Variants in TTLL11 observed in about 807,000 individuals in gnomAD.
The protein encoded by TTLL11 is tubulin polyglutamylase TTLL11.
TTLL11 carries 42 observed loss-of-function variants against 51.7 expected under a neutral mutation model. The ratio of observed to expected loss-of-function variants is 0.81; its 90% CI spans 0.64 to 1.05. The LOEUF is 1.05. Ranked by LOEUF, TTLL11 falls within the 50% of genes least tolerant of loss-of-function variation. TTLL11 has a pLI of 0.00. For synonymous variants in TTLL11, 381 were observed against 383.5 expected, an observed-to-expected ratio of 0.99 and a Z score of 0.08; for missense variants, 799 against 940.4, an observed-to-expected ratio of 0.85 and a Z score of 1.97.
At chr9:121,929,643 T>C (rs1432619745) in intron 6 of TTLL11, among the ~76,000 whole-genome samples, 2 of 152,222 alleles carry the variant, frequency 1.3e-5, no homozygotes, top group Admixed American at 6.5e-5. Context: ...GCTCACTCTG[T>C]GCAGGGGTCT....
At chr9:121,827,210 G>C (rs1235533661) in intron 8 of TTLL11, among the ~76,000 whole-genome samples, 1 of 152,116 alleles carries the variant, frequency 6.6e-6, no homozygotes, top group Non-Finnish European at 1.5e-5. Flanking sequence ...AGGGAGTCCA[G>C]TATGCCAGAC....
chr9:121,953,609 G>A (rs1286895068), intron 6 of TTLL11, among the ~76,000 whole-genome samples: 2 of 147,890 alleles, frequency 1.4e-5, no homozygotes, highest in African/African-American at 2.5e-5. Context: ...CTCCAGCCTG[G>A]GTGACAGAGC....
intron 1 of TTLL11, among the ~76,000 whole-genome samples, chr9:122,070,000 C>G (rs925307592): frequency 1.3e-5 from 2 of 151,708 alleles, no homozygotes; most frequent in Non-Finnish European, 2.9e-5. Context: ...CACACACACA[C>G]ACACACACAC....
chr9:121,934,033 C>T (rs113782251), intron 6 of TTLL11, among the ~76,000 whole-genome samples: 1,554 of 152,228 alleles, frequency 0.01, 28 homozygotes, highest in African/African-American at 0.036. Flanking sequence ...AGTTTGAGAC[C>T]AGCCTAACCA....
intron 3 of TTLL11, among the ~76,000 whole-genome samples, chr9:122,007,475 C>CAAAAA: frequency 1.1e-5 from 1 of 94,734 alleles, no homozygotes; most frequent in Non-Finnish European, 2.2e-5. Context: ...AATTCCATCT[C>CAAAAA]AAAAAAAAAA....
intron 8 of TTLL11, among the ~76,000 whole-genome samples, chr9:121,832,670 T>C (rs1837055375): frequency 6.6e-6 from 1 of 152,180 alleles, no homozygotes; most frequent in African/African-American, 2.4e-5. Context: ...CCAGGTGCAG[T>C]GGCTCATGCC....
At chr9:121,866,129 A>G (rs1327221767) in intron 7 of TTLL11, among the ~76,000 whole-genome samples, 1 of 152,234 alleles carries the variant, frequency 6.6e-6, no homozygotes, top group East Asian at 1.9e-4. Flanking sequence ...TGTCTTTTTC[A>G]AAGTGCTCCT....
At chr9:121,962,585 T>C (rs1177186994) in intron 6 of TTLL11, among the ~76,000 whole-genome samples, 1 of 152,242 alleles carries the variant, frequency 6.6e-6, no homozygotes, top group Admixed American at 6.5e-5. Flanking sequence ...AGTTGTCTAC[T>C]ATCAGTGATT....
chr9:121,848,538 G>C (rs1022336851), intron 8 of TTLL11, among the ~76,000 whole-genome samples: 4 of 152,138 alleles, frequency 2.6e-5, no homozygotes, highest in Admixed American at 6.5e-5. Flanking sequence ...AGTAACAAAT[G>C]ACTATAGTAT....
intron 1 of TTLL11, among the ~76,000 whole-genome samples, chr9:122,089,310 C>T (rs1425551087): frequency 2.0e-5 from 3 of 152,202 alleles, no homozygotes; most frequent in Admixed American, 6.5e-5. Flanking sequence ...CACACCCTTG[C>T]ACCACAGCCC....
At chr9:122,092,602 G>T in intron 1 of TTLL11, 85 bp downstream of exon 1, 1 of 1,508,758 alleles carries the variant, frequency 6.6e-7, no homozygotes, top group East Asian at 2.5e-5. Context: ...CTCGCCCGCC[G>T]ACCTGACCTG....
chr9:121,833,995 A>C (rs1466939681), intron 8 of TTLL11, among the ~76,000 whole-genome samples: 1 of 152,148 alleles, frequency 6.6e-6, no homozygotes, highest in South Asian at 2.1e-4. Context: ...TTTCTGTCTT[A>C]TCGTACAATT....
intron 8 of TTLL11, among the ~76,000 whole-genome samples, chr9:121,833,226 G>A (rs1396879509): frequency 6.6e-6 from 1 of 152,156 alleles, no homozygotes; most frequent in Non-Finnish European, 1.5e-5. Context: ...GGCAGCCTTC[G>A]AAACATTCCA....
rs117135509 is a variant in TTLL11, at chr9:121,932,714, A to G, written c.1481+41295T>C. Reference sequence around the variant, plus strand: ...CCACTTTTTTTTCAAAGGAAAATCAAATAATAAGGCTAATTCCCAGTGATC... The same window carrying G: ...CCACTTTTTTTTCAAAGGAAAATCAGATAATAAGGCTAATTCCCAGTGATC... On this transcript the variant is annotated intron_variant, in intron 6 of 8. Coordinates refer to ENST00000321582, the MANE Select transcript of TTLL11 (RefSeq NM_001139442.2). 5.0e-4 allele frequency among the ~76,000 whole-genome samples: 76 copies of G among 152,308 alleles called. 1 individual carries two copies. Among genetic ancestry groups the G allele is most frequent in the Non-Finnish European group, 9.7e-4 (66 of 68,018 alleles).
In TTLL11 at chr9:121,820,723, C is replaced by T. The variant is rs528364289; in HGVS notation, c.*1864G>A. On this transcript the variant is annotated 3_prime_UTR_variant, in exon 9 of 9. Coordinates refer to ENST00000321582, the MANE Select transcript of TTLL11 (RefSeq NM_001139442.2). Reference sequence around the variant, plus strand: ...CTGGGGAACTGAGCCGATGACACCTCCACAGTGCCCCATGTAGAGAACACT... The same window carrying T: ...CTGGGGAACTGAGCCGATGACACCTTCACAGTGCCCCATGTAGAGAACACT... 2.0e-4 allele frequency among the ~76,000 whole-genome samples: 31 copies of T among 152,062 alleles called. No homozygotes were observed. Among genetic ancestry groups the T allele is most frequent in the South Asian group, 1.7e-3 (8 of 4,806 alleles).
intron 8 of TTLL11, among the ~76,000 whole-genome samples, chr9:121,855,691 C>CA (rs1221603294): frequency 6.6e-6 from 1 of 152,318 alleles, no homozygotes; most frequent in Non-Finnish European, 1.5e-5. Flanking sequence ...CTACTCTGAG[C>CA]CACGGTTCTC....
intron 8 of TTLL11, among the ~76,000 whole-genome samples, chr9:121,842,572 C>A (rs147776133): frequency 1.3e-5 from 2 of 152,178 alleles, no homozygotes; most frequent in African/African-American, 4.8e-5. Flanking sequence ...CCCCCTTCTA[C>A]TTTTGAACAC....
chr9:121,974,172 G>A, intron 5 of TTLL11, 48 bp from the exon 6 acceptor site: 1 of 1,415,490 alleles, frequency 7.1e-7, no homozygotes, highest in South Asian at 1.2e-5. Context: ...GTGATTCCGT[G>A]CCAAGTGGCT....
intron 1 of TTLL11, among the ~76,000 whole-genome samples, chr9:122,082,775 G>A (rs1846031296): frequency 6.6e-6 from 1 of 152,200 alleles, no homozygotes; most frequent in African/African-American, 2.4e-5. Context: ...GCTCACACCT[G>A]TAATCTCAGC....
Sources: gnomAD v4.1 joint callset for allele counts (sites outside exome capture counted in the v4.1 genomes callset) on GRCh38, gnomAD v4.1.1 for gene constraint, MANE v1.5 for transcripts, NCBI Gene and HGNC (gene_info 2026-07-23, HGNC 2026-07-21) for gene names.